The following CCDC82 variants were observed in gnomAD, a reference collection of about 807,000 sequenced individuals.
CCDC82 encodes the protein coiled-coil domain containing 82.
In CCDC82, 47 loss-of-function variants were observed where a neutral mutation model predicts 60.6. The ratio of observed to expected loss-of-function variants is 0.77; its 90% CI spans 0.61 to 0.99. The LOEUF is 0.99. Ranked by LOEUF, CCDC82 falls within the 50% of genes least tolerant of loss-of-function variation. The pLI is 0.00. For synonymous variants in CCDC82, 212 were observed against 207.4 expected (o/e 1.02, Z -0.19); for missense variants, 588 against 633.0 (o/e 0.93, Z 0.76).
chr11:96,388,282 A>G (rs1463121476), intron 1 of CCDC82: 1 of 152,244 alleles, frequency 6.6e-6, no homozygotes, highest in African/African-American at 2.4e-5. Flanking sequence ...AATCTACTCA[A>G]AAGAGAATCC....
At chr11:96,364,116 A>G (rs902425457) in intron 8 of CCDC82, 3 of 152,196 alleles carry the variant, frequency 2.0e-5, no homozygotes, top group African/African-American at 4.8e-5. Context: ...TTTGATATAC[A>G]TAACAGAACA....
intron 5 of CCDC82, among the ~76,000 whole-genome samples, chr11:96,379,060 C>G (rs1156525122): frequency 1.3e-5 from 2 of 151,844 alleles, no homozygotes; most frequent in Non-Finnish European, 2.9e-5. Flanking sequence ...AGATTTTCTC[C>G]CAAATTCTCA....
intron 5 of CCDC82, among the ~76,000 whole-genome samples, chr11:96,373,703 C>T (rs1404565346): frequency 6.6e-6 from 1 of 152,068 alleles, no homozygotes; most frequent in African/African-American, 2.4e-5. Context: ...CTTTACTTCC[C>T]AAACTTAAGA....
chr11:96,374,347 A>C (rs1865452025), intron 5 of CCDC82, among the ~76,000 whole-genome samples: 1 of 152,194 alleles, frequency 6.6e-6, no homozygotes, highest in Non-Finnish European at 1.5e-5. Context: ...TTGAAGTAAA[A>C]AGAAAGATGG....
At chr11:96,381,135 G>A (rs1159220930) in intron 5 of CCDC82, 1 of 151,618 alleles carries the variant, frequency 6.6e-6, no homozygotes, top group Non-Finnish European at 1.5e-5. Flanking sequence ...GTGTAAAGAA[G>A]TTGAAGTTCC....
intron 7 of CCDC82, 31 bp downstream of exon 7, chr11:96,370,982 C>A: frequency 1.3e-6 from 2 of 1,486,326 alleles, no homozygotes; most frequent in Non-Finnish European, 1.8e-6. Flanking sequence ...CCCCCAACCC[C>A]CAAGCAGAGA....
chr11:96,368,865 C>CA (rs71040144), intron 7 of CCDC82, among the ~76,000 whole-genome samples: 141,061 of 142,382 alleles, frequency 0.99, 69,883 homozygotes, highest in East Asian at 1. Context: ...GACTCCGTCT[C>CA]AAAAAAAAAA....
intron 5 of CCDC82, among the ~76,000 whole-genome samples, chr11:96,374,092 T>G (rs866705805): frequency 2.6e-5 from 4 of 152,176 alleles, no homozygotes; most frequent in Middle Eastern, 3.2e-3. Flanking sequence ...AGAGAGAAGA[T>G]TCCTACTATT....
chr11:96,357,658 T>C, intron 9 of CCDC82: 1 of 984,632 alleles, frequency 1.0e-6, no homozygotes, highest in Middle Eastern at 5.2e-4. Flanking sequence ...GATTTTTCTA[T>C]ACCTAGTATC....
chr11:96,387,180 T>C (rs1328715539), intron 2 of CCDC82: 1 of 152,218 alleles, frequency 6.6e-6, no homozygotes, highest in African/African-American at 2.4e-5. Context: ...ATGGTTGCAG[T>C]AGATACACTA....
At chr11:96,373,924 T>G (rs962202070) in intron 5 of CCDC82, among the ~76,000 whole-genome samples, 2 of 152,134 alleles carry the variant, frequency 1.3e-5, no homozygotes, top group Non-Finnish European at 2.9e-5. Flanking sequence ...CTACAAAAAC[T>G]TCATTTCCCT....
At position 96,356,484 on chromosome 11, in the gene CCDC82, A is replaced by T. The variant is rs1055180288; in HGVS notation, c.1566+2509T>A. On this transcript the variant is annotated intron_variant, in intron 9 of 9. Transcript: ENST00000646818. ...ATGCTTTCTTTACTACCTGGTGTTT[A>T]TGCATCCACCAGCCAATCCCAACAA... 6.1e-6 allele frequency: 6 copies of T among 985,164 alleles called. No homozygotes were observed. The African/African-American group carries it at 1.0e-4, about 17-fold the overall frequency. The allele number at this position is 985,164 out of a possible 1,614,324, so 61.0% of individuals were successfully genotyped here. A position where few individuals can be genotyped will look rare whatever the true frequency, so the allele number is the denominator to read the frequency against.
intron 9 of CCDC82, chr11:96,356,319 G>A (rs1864346588): frequency 3.9e-6 from 2 of 508,224 alleles, no homozygotes; most frequent in South Asian, 8.4e-5. Flanking sequence ...GGAAGGCAAG[G>A]GATATCTAAT....
At chr11:96,365,922 C>T (rs1485881062) in intron 7 of CCDC82, among the ~76,000 whole-genome samples, 1 of 152,210 alleles carries the variant, frequency 6.6e-6, no homozygotes, top group African/African-American at 2.4e-5. Flanking sequence ...ACATTCATAT[C>T]TTCTACCAGA....
At chr11:96,357,141 G>A in intron 9 of CCDC82, 6 of 985,442 alleles carry the variant, frequency 6.1e-6, no homozygotes, top group Non-Finnish European at 7.2e-6. Flanking sequence ...CAGACAGAGT[G>A]AGGATGGGAA....
chr11:96,364,212 G>A (rs942816414), intron 8 of CCDC82: 5 of 151,826 alleles, frequency 3.3e-5, no homozygotes, highest in African/African-American at 1.2e-4. Flanking sequence ...TAAACAATGG[G>A]GAAATTTGCA....
intron 5 of CCDC82, among the ~76,000 whole-genome samples, chr11:96,373,696 T>C (rs1164722817): frequency 2.0e-5 from 3 of 152,286 alleles, no homozygotes; most frequent in East Asian, 3.9e-4. Flanking sequence ...TTCAAATCTT[T>C]ACTTCCCAAA....
At chr11:96,388,162 A>C (rs182353676) in intron 1 of CCDC82, 57 of 152,318 alleles carry the variant, frequency 3.7e-4, no homozygotes, top group African/African-American at 1.3e-3. Context: ...TAGCTTTACT[A>C]TATTAGCTGG....
Position 96,371,109 on chromosome 11 carries a change from T to A in CCDC82, c.1113A>T (p.Lys371Asn). 1.9e-6 allele frequency: 3 copies of A among 1,598,500 alleles called. No individual in the cohort carries two copies. Among genetic ancestry groups the A allele is most frequent in the Non-Finnish European group, 2.6e-6 (3 of 1,172,954 alleles). ...YDGTRQKSYA[K>N]DMLTSLHYLD... ...AATAATGAAGAGATGTTAGCATATC[T>A]TTTGCATATGATTTTTGCCTTGTGC... is the stretch of plus-strand genomic sequence containing the variant. The change falls in exon 7 of 10, where the codon AAA becomes AAT. Residue 371 changes from lysine (K) to asparagine (N), a missense_variant. Lys to Asn is a moderately conservative substitution (Grantham distance 94). Coordinates refer to ENST00000646818, the MANE Select transcript of CCDC82 (RefSeq NM_024725.4).
Sources: allele counts gnomAD v4.1 joint callset (sites outside exome capture counted in the v4.1 genomes callset), GRCh38; gene constraint gnomAD v4.1.1; transcripts MANE v1.5; gene names NCBI Gene and HGNC (gene_info 2026-07-23, HGNC 2026-07-21).